Variants in TRERF1 observed in about 807,000 individuals in gnomAD.
The protein encoded by TRERF1 is transcriptional regulating factor 1, also known as transcriptional-regulating factor 1.
A neutral mutation model predicts 122.9 loss-of-function variants in TRERF1; 27 were observed. The ratio of observed to expected loss-of-function variants is 0.22; its 90% CI spans 0.16 to 0.30. The LOEUF (loss-of-function observed/expected upper bound fraction) is 0.30, where lower values mean the gene tolerates loss of function less well. Among genes scored for constraint, TRERF1 ranks in the 10% least tolerant of loss-of-function variants. The pLI, the probability that TRERF1 is intolerant of heterozygous loss-of-function variation, is 1.00. For synonymous variants in TRERF1, 636 were observed against 641.7 expected (o/e 0.99, Z 0.13); for missense variants, 1,248 against 1,560.3 (o/e 0.80, Z 3.37).
chr6:42,255,290 T>A (rs909243541), intron 12 of TRERF1, among the ~76,000 whole-genome samples: 3 of 152,202 alleles, frequency 2.0e-5, no homozygotes, highest in African/African-American at 7.2e-5. Flanking sequence ...TCTGTAACTG[T>A]TTTATAGAAA....
chr6:42,323,895 G>A (rs1195630684), intron 3 of TRERF1, among the ~76,000 whole-genome samples: 1 of 152,214 alleles, frequency 6.6e-6, no homozygotes, highest in African/African-American at 2.4e-5. Flanking sequence ...TGCAATGGGG[G>A]AGATCTAAAT....
At chr6:42,404,524 C>T (rs1443627182) in intron 2 of TRERF1, among the ~76,000 whole-genome samples, 1 of 152,012 alleles carries the variant, frequency 6.6e-6, no homozygotes, top group Non-Finnish European at 1.5e-5. Flanking sequence ...GAATGTGAAG[C>T]CAATGCTGAC....
chr6:42,383,982 T>G (rs1044148342), intron 2 of TRERF1, among the ~76,000 whole-genome samples: 3 of 151,608 alleles, frequency 2.0e-5, no homozygotes, highest in African/African-American at 7.3e-5. Context: ...GAATGAGACA[T>G]CCTCACCACT....
chr6:42,439,848 G>C (rs768788262), intron 2 of TRERF1, among the ~76,000 whole-genome samples: 3 of 152,224 alleles, frequency 2.0e-5, no homozygotes, highest in Non-Finnish European at 4.4e-5. Context: ...AGCTGCTCCA[G>C]ACAGTATGTC....
intron 8 of TRERF1, among the ~76,000 whole-genome samples, chr6:42,260,640 G>C (rs1777661890): frequency 6.6e-6 from 1 of 152,160 alleles, no homozygotes; most frequent in African/African-American, 2.4e-5. Flanking sequence ...GGATACCTGA[G>C]GGAAGGTTCT....
intron 3 of TRERF1, among the ~76,000 whole-genome samples, chr6:42,332,994 G>C (rs1765501345): frequency 6.6e-6 from 1 of 152,146 alleles, no homozygotes; most frequent in African/African-American, 2.4e-5. Flanking sequence ...GGGACTGTTG[G>C]AAGGTAAAAG....
intron 9 of TRERF1, among the ~76,000 whole-genome samples, chr6:42,258,700 G>C (rs1230477284): frequency 6.6e-6 from 1 of 151,840 alleles, no homozygotes; most frequent in Non-Finnish European, 1.5e-5. Flanking sequence ...TCAGTCTCCT[G>C]AGTAGCTGGA....
chr6:42,418,485 G>A (rs1304011735), intron 2 of TRERF1, among the ~76,000 whole-genome samples: 2 of 151,760 alleles, frequency 1.3e-5, no homozygotes, highest in Non-Finnish European at 2.9e-5. Context: ...TGGCCAGGCT[G>A]GTCTCGAACT....
intron 17 of TRERF1, among the ~76,000 whole-genome samples, chr6:42,230,496 G>A (rs548973726): frequency 9.2e-5 from 14 of 152,156 alleles, no homozygotes; most frequent in Non-Finnish European, 1.5e-4. Context: ...TAATGAGTGG[G>A]TGGTGCTAGC....
rs762240519 is a variant in TRERF1, at chr6:42,269,405, C to T, written c.186G>A (p.Arg62=). 1 of 1,614,220 alleles carries T rather than the reference C, an allele frequency of 6.2e-7. No individual in the cohort carries two copies. Reference sequence around the variant, plus strand: ...AGCCAACAGGCAAGCCCAGACCATCCCGTGTATCTTGAGGGAAGTGGGGGG... The same window carrying T: ...AGCCAACAGGCAAGCCCAGACCATCTCGTGTATCTTGAGGGAAGTGGGGGG... Residue 62 remains arginine, a synonymous_variant, in exon 5 of 18, where the codon CGG becomes CGA. Coordinates refer to ENST00000372922, the Ensembl canonical transcript of TRERF1. This position sits in a 1 kb window ranked among gnomAD's most constrained non-coding sequence, Gnocchi z 4.9.
At chr6:42,375,003 CAAAA>C (rs55696342) in intron 2 of TRERF1, among the ~76,000 whole-genome samples, 2 of 87,512 alleles carry the variant, frequency 2.3e-5, no homozygotes. Flanking sequence ...AAGATTCTGT[CAAAA>C]AAAAAAAAAA....
chr6:42,335,803 C>T lies in TRERF1; in HGVS notation c.-371+27194G>A, dbSNP rs558559017. On this transcript the variant is annotated intron_variant, in intron 3 of 17. Coordinates refer to ENST00000372922, the Ensembl canonical transcript of TRERF1. ...CCAAAACAAAGTCTAGCTTCCATTG[C>T]GTGCTGACATAGTTTCCTCTACTCC... 8.5e-5 allele frequency among the ~76,000 whole-genome samples: 13 copies of T among 152,340 alleles called. No homozygotes were observed. In the East Asian group the frequency reaches 1.2e-3, roughly 14 times the overall value.
chr6:42,295,837 TA>T (rs1219662767), intron 4 of TRERF1, among the ~76,000 whole-genome samples: 1 of 152,168 alleles, frequency 6.6e-6, no homozygotes, highest in Non-Finnish European at 1.5e-5. Context: ...AGAGTCACTA[TA>T]AATAGCAGGC....
chr6:42,286,445 G>GA (rs1215081544), intron 4 of TRERF1, among the ~76,000 whole-genome samples: 3 of 138,570 alleles, frequency 2.2e-5, no homozygotes, highest in Non-Finnish European at 4.7e-5. Flanking sequence ...AAATTTACAA[G>GA]AAAAAAACAA....
chr6:42,330,875 C>T (rs559543151), intron 3 of TRERF1, among the ~76,000 whole-genome samples: 32 of 152,120 alleles, frequency 2.1e-4, no homozygotes, highest in African/African-American at 6.7e-4. Context: ...AATGGGGTTT[C>T]ACCATGTTGG....
chr6:42,228,582 C>T lies in TRERF1; in HGVS notation c.3366G>A (p.Ala1122=), dbSNP rs144032419. 67 of 1,614,218 alleles carry T rather than the reference C, an allele frequency of 4.2e-5. No individual in the cohort carries two copies. The highest frequency in any genetic ancestry group is 3.9e-4 in the African/African-American group (29 of 75,066). Residue 1122 remains alanine, a synonymous_variant, in exon 18 of 18, where the codon GCG becomes GCA. Coordinates refer to ENST00000372922, the Ensembl canonical transcript of TRERF1. This position sits in a 1 kb window ranked among gnomAD's most constrained non-coding sequence, Gnocchi z 4.2. ...TGGCTGCCATCTCAGCTGCAAAAGC[C>T]GCCTTCTGAGCCTTTTGCCTCTGTT...
intron 2 of TRERF1, among the ~76,000 whole-genome samples, chr6:42,436,810 A>AT (rs1235613225): frequency 0.013 from 1,322 of 101,740 alleles, 8 homozygotes; most frequent in African/African-American, 0.017. Context: ...CAAAAAAAAA[A>AT]AAAAATATAT....
chr6:42,375,460 G>A (rs9381169), intron 2 of TRERF1, among the ~76,000 whole-genome samples: 3,597 of 152,276 alleles, frequency 0.024, 112 homozygotes, highest in East Asian at 0.095. Context: ...CAGCTGTCTC[G>A]TCACCTCTCT....
In TRERF1 at chr6:42,228,792, G is replaced by C. The variant is rs1163014507; in HGVS notation, c.3279-123C>G. 7.6e-6 allele frequency: 7 copies of C among 916,510 alleles called. No homozygotes were observed. In the East Asian group the frequency reaches 1.7e-4, roughly 22 times the overall value. The allele number at this position is 916,510 out of a possible 1,614,324, so 56.8% of individuals were successfully genotyped here. A position where few individuals can be genotyped will look rare whatever the true frequency, so the allele number is the denominator to read the frequency against. ...AAAGTCCCTGGCTGCTCGGCTTCTA[G>C]GACCTCCTTCCCCTGTGACCTGTCA... On this transcript the variant is annotated intron_variant, in intron 17 of 17. Transcript: ENST00000372922. The surrounding 1 kb of genome is among the most constrained non-coding windows in gnomAD (Gnocchi z 4.2).
Sources: allele counts gnomAD v4.1 joint callset (sites outside exome capture counted in the v4.1 genomes callset), GRCh38; gene constraint gnomAD v4.1.1; non-coding constraint Gnocchi (gnomAD v3.1); transcripts MANE v1.5; gene names NCBI Gene and HGNC (gene_info 2026-07-23, HGNC 2026-07-21).